MMP16: variants seen among roughly 807,000 people sequenced by gnomAD.
MMP16 encodes matrix metallopeptidase 16.
A neutral mutation model predicts 67.8 loss-of-function variants in MMP16; 12 were observed. That is an observed-to-expected ratio of 0.18 (90% CI 0.11 to 0.29). The LOEUF (loss-of-function observed/expected upper bound fraction) is 0.29, where lower values mean the gene tolerates loss of function less well. Among genes scored for constraint, MMP16 ranks in the 10% least tolerant of loss-of-function variants. The probability of loss-of-function intolerance (pLI) is 1.00; values close to 1 mark genes in which losing one functional copy is unlikely to be tolerated. For synonymous variants in MMP16, 249 were observed against 255.9 expected (o/e 0.97, Z 0.26); for missense variants, 475 against 765.7 (o/e 0.62, Z 4.48).
intron 1 of MMP16, among the ~76,000 whole-genome samples, chr8:88,321,947 T>A (rs1811466429): frequency 6.6e-6 from 1 of 152,196 alleles, no homozygotes; most frequent in Non-Finnish European, 1.5e-5. Context: ...CCATTCCCAA[T>A]GTTATATGGA....
chr8:88,186,596 C>G lies in MMP16; in HGVS notation c.284G>C (p.Trp95Ser). 1 of 1,408,524 alleles carries G rather than the reference C, an allele frequency of 7.1e-7. No homozygotes were observed. The allele number at this position is 1,408,524 out of a possible 1,614,324, so 87.3% of individuals were successfully genotyped here. ...TACACCGCATCGGGGCTTCTTCATC[C>G]AGCTGCAAAAAAAAAAAAAAAAAAA... ...TGKVDRNTID[W>S]MKKPRCGVPD... The change falls in exon 3 of 10, where the codon TGG becomes TCG. Residue 95 changes from tryptophan to serine, a missense_variant and splice_region_variant. Trp to Ser is a radical substitution (Grantham distance 177). Coordinates refer to ENST00000286614, the MANE Select transcript of MMP16 (RefSeq NM_005941.5).
rs1808133304 is a variant in MMP16 at position 88,041,550 on chromosome 8, C to T, written c.1735G>A (p.Val579Ile). 6 of 1,614,118 alleles carry T rather than the reference C, an allele frequency of 3.7e-6. No homozygotes were observed. Among genetic ancestry groups the T allele is most frequent in the Non-Finnish European group, 5.1e-6 (6 of 1,180,002 alleles). ...IPCILALCLL[V>I]LVYTVFQFKR... ...AACTGGAACACAGTGTAAACCAATA[C>T]AAGGAGGCATAAGGCCAAGATGCAG... Residue 579 changes from valine to isoleucine, a missense_variant, in exon 10 of 10, where the codon GTA becomes ATA. Transcript: ENST00000286614. This position sits in a 1 kb window ranked among gnomAD's most constrained non-coding sequence, Gnocchi z 6.0.
chr8:88,158,251 T>A (rs1330399348), intron 4 of MMP16, among the ~76,000 whole-genome samples: 5 of 152,170 alleles, frequency 3.3e-5, no homozygotes, highest in African/African-American at 1.2e-4. Context: ...CGCCACACTG[T>A]CTTCCACAAT....
chr8:88,146,850 C>T (rs1808301352), intron 4 of MMP16, among the ~76,000 whole-genome samples: 2 of 151,220 alleles, frequency 1.3e-5, no homozygotes, highest in South Asian at 2.1e-4. Context: ...AGGTTTTTGC[C>T]AAACTTTTCC....
At chr8:88,250,715 C>G (rs1224554802) in intron 1 of MMP16, among the ~76,000 whole-genome samples, 2 of 151,544 alleles carry the variant, frequency 1.3e-5, no homozygotes, top group Non-Finnish European at 2.9e-5. Flanking sequence ...CCAAAGTAGC[C>G]CTCAGTGCCT....
intron 4 of MMP16, among the ~76,000 whole-genome samples, chr8:88,140,870 T>C (rs1010567501): frequency 2.0e-5 from 3 of 152,168 alleles, no homozygotes; most frequent in Non-Finnish European, 4.4e-5. Flanking sequence ...AAATGTATTC[T>C]ACATATTACA....
chr8:88,220,812 A>AT, intron 1 of MMP16, among the ~76,000 whole-genome samples: 1 of 152,188 alleles, frequency 6.6e-6, no homozygotes, highest in East Asian at 1.9e-4. Flanking sequence ...TACGATATCA[A>AT]TTTTTTATAT....
chr8:88,320,979 C>A (rs188514490), intron 1 of MMP16, among the ~76,000 whole-genome samples: 1 of 152,176 alleles, frequency 6.6e-6, no homozygotes. Context: ...AATATGGTTT[C>A]ATGAAGAACC....
intron 8 of MMP16, among the ~76,000 whole-genome samples, chr8:88,049,540 G>T (rs559384384): frequency 6.6e-6 from 1 of 152,236 alleles, no homozygotes; most frequent in Non-Finnish European, 1.5e-5. Flanking sequence ...CTATTTCATG[G>T]ATCCTAAGAA....
chr8:88,156,907 A>G (rs1462517925), intron 4 of MMP16, among the ~76,000 whole-genome samples: 1 of 152,168 alleles, frequency 6.6e-6, no homozygotes, highest in Non-Finnish European at 1.5e-5. Context: ...CAAAATATGT[A>G]TGAATTATGA....
intron 3 of MMP16, among the ~76,000 whole-genome samples, chr8:88,172,545 A>G (rs1255842049): frequency 2.0e-5 from 3 of 152,188 alleles, no homozygotes; most frequent in Non-Finnish European, 4.4e-5. Flanking sequence ...GCTACTAACA[A>G]TTCTAATAAA....
intron 1 of MMP16, 70 bp from the exon 2 acceptor site, chr8:88,197,376 T>C (rs1205617993): frequency 1.6e-5 from 21 of 1,338,822 alleles, no homozygotes; most frequent in Middle Eastern, 4.1e-4. Flanking sequence ...GTAATTAATG[T>C]ATATCTATAA....
chr8:88,304,720 T>C (rs1408647690), intron 1 of MMP16, among the ~76,000 whole-genome samples: 2 of 152,174 alleles, frequency 1.3e-5, no homozygotes, highest in Admixed American at 6.5e-5. Context: ...AAAGGATCAA[T>C]AAGATTCTTT....
intron 6 of MMP16, among the ~76,000 whole-genome samples, chr8:88,084,354 T>C (rs2118319661): frequency 6.6e-6 from 1 of 152,040 alleles, no homozygotes; most frequent in East Asian, 1.9e-4. Flanking sequence ...AGACTTAACT[T>C]CTTCACATTT....
At chr8:88,139,421 A>G (rs1482428354) in intron 4 of MMP16, among the ~76,000 whole-genome samples, 2 of 152,134 alleles carry the variant, frequency 1.3e-5, no homozygotes, top group Non-Finnish European at 2.9e-5. Context: ...ACTCACAGTA[A>G]TTCACACTTG....
chr8:88,083,452 A>G (rs1808785867), intron 6 of MMP16, among the ~76,000 whole-genome samples: 1 of 152,138 alleles, frequency 6.6e-6, no homozygotes, highest in Non-Finnish European at 1.5e-5. Context: ...AAGCAAGCCA[A>G]AGCATGGGAG....
intron 1 of MMP16, among the ~76,000 whole-genome samples, chr8:88,318,590 C>T (rs111514083): frequency 6.5e-4 from 99 of 152,224 alleles, no homozygotes; most frequent in African/African-American, 2.1e-3. Context: ...AGCCTGGGTA[C>T]GACAGTCAGC....
At chr8:88,165,634 T>G (rs1808699803) in intron 4 of MMP16, among the ~76,000 whole-genome samples, 1 of 152,082 alleles carries the variant, frequency 6.6e-6, no homozygotes, top group Non-Finnish European at 1.5e-5. Flanking sequence ...AAAACAAACA[T>G]ATTTTATTTT....
chr8:88,270,428 A>G, intron 1 of MMP16, among the ~76,000 whole-genome samples: 1 of 152,230 alleles, frequency 6.6e-6, no homozygotes. Context: ...ACTGCAACTC[A>G]TATAGTATCT....
Sources: gnomAD v4.1 joint callset for allele counts (sites outside exome capture counted in the v4.1 genomes callset) on GRCh38, gnomAD v4.1.1 for gene constraint, Gnocchi (gnomAD v3.1) non-coding constraint, MANE v1.5 for transcripts, NCBI Gene and HGNC (gene_info 2026-07-23, HGNC 2026-07-21) for gene names.